USP53: variants seen among roughly 807,000 people sequenced by gnomAD.
USP53 encodes the protein ubiquitin specific peptidase 53, also known as ubiquitin carboxyl-terminal hydrolase 53.
USP53 carries 71 observed loss-of-function variants against 94.9 expected under a neutral mutation model. The observed-to-expected ratio is 0.75, with a 90% CI of 0.62 to 0.91. The LOEUF is 0.91. Among genes scored for constraint, USP53 ranks in the 40% least tolerant of loss-of-function variants. The probability of loss-of-function intolerance (pLI) is 0.00; values close to 1 mark genes in which losing one functional copy is unlikely to be tolerated. For synonymous variants in USP53, 375 were observed against 422.7 expected (o/e 0.89, Z 1.39); for missense variants, 1,173 against 1,281.0 (o/e 0.92, Z 1.29).
intron 3 of USP53, among the ~76,000 whole-genome samples, chr4:119,223,426 C>A (rs1744815655): frequency 6.6e-6 from 1 of 152,282 alleles, no homozygotes; most frequent in South Asian, 2.1e-4. Flanking sequence ...TTAAATCTAA[C>A]CATACCTTTA....
At chr4:119,282,462 A>C (rs1339526840) in intron 17 of USP53, among the ~76,000 whole-genome samples, 1 of 152,052 alleles carries the variant, frequency 6.6e-6, no homozygotes, top group Non-Finnish European at 1.5e-5. Flanking sequence ...GTCTCTCCAT[A>C]TCCTCACTAG....
chr4:119,272,828 A>AC (rs1752048186), intron 16 of USP53: 2 of 152,226 alleles, frequency 1.3e-5, no homozygotes, highest in Non-Finnish European at 2.9e-5. Context: ...TTTAGCAAAT[A>AC]TAAAAAAAAT....
In USP53 at chr4:119,271,876, T is replaced by C. The variant is rs752596087; in HGVS notation, c.2016T>C (p.Gly672=). 4.6e-5 allele frequency: 74 copies of C among 1,613,862 alleles called. No homozygotes were observed. The highest frequency in any genetic ancestry group is 6.0e-5 in the Non-Finnish European group (71 of 1,179,996). The change falls in exon 16 of 19, where the codon GGT becomes GGC. Residue 672 remains glycine (G), a synonymous_variant. Coordinates refer to ENST00000692078, the MANE Select transcript of USP53 (RefSeq NM_001371395.1). ...GAEKNKGLVE[G]KVHGDNWQMQ... ...AGAAAAATAAAGGCCTTGTAGAGGG[T>C]AAAGTGCATGGTGATAATTGGCAGA... is the stretch of plus-strand genomic sequence containing the variant.
At chr4:119,233,030 A>T (rs2149305133) in intron 3 of USP53, among the ~76,000 whole-genome samples, 1 of 151,902 alleles carries the variant, frequency 6.6e-6, no homozygotes, top group South Asian at 2.1e-4. Flanking sequence ...TCTTGTATTA[A>T]TTTTGGTAAT....
rs753602498 is a variant in USP53 at position 119,261,784 on chromosome 4, A to G, written c.892A>G (p.Thr298Ala). ...TAACCTTGTTGGTATGATCTGCTAC[A>G]CCAGCCAACATTATTGTGCCTTTGC... ...ELNLVGMICY[T>A]SQHYCAFAFH... The change falls in exon 12 of 19, where the codon ACC becomes GCC. Residue 298 changes from threonine (T) to alanine (A), a missense_variant. Transcript: ENST00000692078. The G allele has an allele frequency of 6.5e-7, 1 of 1,540,728 alleles. No individual in the cohort carries two copies. The highest frequency in any genetic ancestry group is 2.3e-5 in the East Asian group (1 of 43,432).
intron 17 of USP53, among the ~76,000 whole-genome samples, chr4:119,278,533 A>AT (rs890807125): frequency 7.2e-6 from 1 of 139,436 alleles, no homozygotes; most frequent in Non-Finnish European, 1.6e-5. Flanking sequence ...TGCCCTTAAC[A>AT]TTTTTTCCTT....
At chr4:119,273,592 C>A in intron 16 of USP53, 40 bp from the exon 17 acceptor site, 1 of 1,502,034 alleles carries the variant, frequency 6.7e-7, no homozygotes, top group South Asian at 1.2e-5. Flanking sequence ...AAAGGCAGTC[C>A]ATAATACCTG....
intron 16 of USP53, chr4:119,272,741 C>T (rs1444304618): frequency 6.6e-6 from 1 of 152,134 alleles, no homozygotes; most frequent in Non-Finnish European, 1.5e-5. Flanking sequence ...TTTATAATCC[C>T]ATCTCTAACA....
At chr4:119,241,769 A>G (rs1415517473) in intron 5 of USP53, among the ~76,000 whole-genome samples, 1 of 151,958 alleles carries the variant, frequency 6.6e-6, no homozygotes, top group Non-Finnish European at 1.5e-5. Context: ...AAATTTGGAA[A>G]CACTTTGTTA....
chr4:119,226,774 G>T lies in USP53; in HGVS notation c.-664-8516G>T, dbSNP rs185312557. On this transcript the variant is annotated intron_variant, in intron 3 of 18. Coordinates refer to ENST00000692078, the MANE Select transcript of USP53 (RefSeq NM_001371395.1). Reference sequence around the variant, plus strand: ...ATGGCAAAAAGCACAATTACTTTTGGACCAACCTAGTAGAATAGAGAGACC... The same window carrying T: ...ATGGCAAAAAGCACAATTACTTTTGTACCAACCTAGTAGAATAGAGAGACC... Among the ~76,000 whole-genome samples the T allele has an allele frequency of 2.0e-4, 30 of 152,124 alleles. No individual in the cohort carries two copies. The East Asian group carries it at 5.8e-3, about 29-fold the overall frequency.
chr4:119,231,856 T>A (rs1305331728), intron 3 of USP53, among the ~76,000 whole-genome samples: 1 of 152,178 alleles, frequency 6.6e-6, no homozygotes, highest in Non-Finnish European at 1.5e-5. Context: ...AGAGACTCAG[T>A]GCTTAACATT....
intron 3 of USP53, among the ~76,000 whole-genome samples, chr4:119,222,835 T>C: frequency 6.6e-6 from 1 of 152,160 alleles, no homozygotes; most frequent in Middle Eastern, 3.4e-3. Context: ...GGATTTTGCA[T>C]TGCTCTTTTT....
intron 9 of USP53, among the ~76,000 whole-genome samples, chr4:119,259,072 G>A (rs940207425): frequency 6.6e-6 from 1 of 152,088 alleles, no homozygotes; most frequent in African/African-American, 2.4e-5. Flanking sequence ...CTTGAGGTCA[G>A]GAGTTCAAGA....
At chr4:119,244,527 T>C (rs1191011219) in intron 5 of USP53, among the ~76,000 whole-genome samples, 1 of 152,186 alleles carries the variant, frequency 6.6e-6, no homozygotes, top group Admixed American at 6.5e-5. Context: ...CTGGTACTCA[T>C]TGCATGCCAG....
At position 119,213,660 on chromosome 4, in the gene USP53, A is replaced by ATATGTGTGTGTGTGTGTGTGTGTGTG; in HGVS notation, c.-941-409_-941-408insATGTGTGTGTGTGTGTGTGTGTGTGT. 4.8e-3 allele frequency among the ~76,000 whole-genome samples: 561 copies of ATATGTGTGTGTGTGTGTGTGTGTGTG among 117,746 alleles called. 10 individuals are homozygous for ATATGTGTGTGTGTGTGTGTGTGTGTG. The highest frequency in any genetic ancestry group is 0.019 in the African/African-American group (534 of 27,758). The allele number at this position is 117,746 out of a possible 152,430, so 77.2% of individuals were successfully genotyped here. Reference sequence around the variant, plus strand: ...GAAATAGATATATATATATATATATATGTGTGTGTGTGTATGTATGTATGT... The same window carrying ATATGTGTGTGTGTGTGTGTGTGTGTG: ...GAAATAGATATATATATATATATATATATGTGTGTGTGTGTGTGTGTGTGTGTGTGTGTGTGTGTATGTATGTATGT... On this transcript the variant is annotated intron_variant, in intron 1 of 18. Transcript: ENST00000692078.
intron 12 of USP53, among the ~76,000 whole-genome samples, chr4:119,263,315 T>A (rs1213734174): frequency 1.3e-5 from 2 of 152,164 alleles, no homozygotes; most frequent in Admixed American, 6.5e-5. Context: ...GCTTACTGCC[T>A]AGAGGTAGTT....
intron 17 of USP53, among the ~76,000 whole-genome samples, chr4:119,279,821 C>T (rs201087610): frequency 4.2e-4 from 64 of 152,276 alleles, no homozygotes; most frequent in African/African-American, 1.5e-3. Context: ...CTTTTTAAGC[C>T]GGTCCGAAAA....
At chr4:119,228,258 T>C (rs1033851043) in intron 3 of USP53, among the ~76,000 whole-genome samples, 6 of 152,274 alleles carry the variant, frequency 3.9e-5, no homozygotes, top group Non-Finnish European at 7.4e-5. Flanking sequence ...TATTTCCTTG[T>C]AGGAGCGAGG....
chr4:119,246,236 T>A (rs568928920), intron 6 of USP53, among the ~76,000 whole-genome samples: 2 of 152,192 alleles, frequency 1.3e-5, no homozygotes, highest in Admixed American at 1.3e-4. Flanking sequence ...TCAAATAGAC[T>A]ATGGCAGAAC....
Sources: gnomAD v4.1 joint callset for allele counts (sites outside exome capture counted in the v4.1 genomes callset) on GRCh38, gnomAD v4.1.1 for gene constraint, MANE v1.5 for transcripts, NCBI Gene and HGNC (gene_info 2026-07-23, HGNC 2026-07-21) for gene names.